Variants in CLASP2 observed in about 807,000 individuals in gnomAD.
The protein encoded by CLASP2 is CLIP-associating protein 2.
A neutral mutation model predicts 194.4 loss-of-function variants in CLASP2; 47 were observed. That is an observed-to-expected ratio of 0.24 (90% CI 0.19 to 0.31). CLASP2 has a LOEUF of 0.31. CLASP2 is among the 10% of genes least tolerant of loss of function. The pLI, the probability that CLASP2 is intolerant of heterozygous loss-of-function variation, is 1.00. For missense variants in CLASP2, 1,445 were observed against 1,823.6 expected (o/e 0.79, Z 3.78); for synonymous variants, 619 against 633.5 (o/e 0.98, Z 0.34).
At chr3:33,699,413 C>T (rs1393826847) in intron 1 of CLASP2, among the ~76,000 whole-genome samples, 1 of 152,080 alleles carries the variant, frequency 6.6e-6, no homozygotes, top group African/African-American at 2.4e-5. Flanking sequence ...CACCAAGACA[C>T]ATCCTATTCA....
intron 5 of CLASP2, 112 bp from the exon 6 acceptor site, chr3:33,684,568 A>C (rs2090346642): frequency 8.9e-6 from 5 of 560,676 alleles, no homozygotes; most frequent in Non-Finnish European, 1.5e-5. Context: ...GTGGATTTTA[A>C]TGCCCCTGCA....
At chr3:33,677,409 A>T (rs1328448808) in intron 6 of CLASP2, among the ~76,000 whole-genome samples, 5 of 151,788 alleles carry the variant, frequency 3.3e-5, no homozygotes, top group Non-Finnish European at 7.4e-5. Flanking sequence ...TTGTAGGGAC[A>T]TGGATGAAGT....
rs1205156622 is a variant in CLASP2 at position 33,600,953 on chromosome 3, CTTTTTTT to C, written c.1924+1992_1924+1998del. 9.5e-5 allele frequency among the ~76,000 whole-genome samples: 10 copies of C among 105,768 alleles called. No homozygotes were observed. In the East Asian group the frequency reaches 1.4e-3, roughly 15 times the overall value. 69.4% of individuals were successfully genotyped at this position (105,768 alleles called of 152,430 possible). A position where few individuals can be genotyped will look rare whatever the true frequency, so the allele number is the denominator to read the frequency against. Reference sequence around the variant, plus strand: ...TTCACATCAGTGTTGCTTGATAAGGCTTTTTTTTTTTTTTTTTTTTTTTGAGGCGGAG... The same window carrying C: ...TTCACATCAGTGTTGCTTGATAAGGCTTTTTTTTTTTTTTTTGAGGCGGAG... On this transcript the variant is annotated intron_variant, in intron 18 of 38. Coordinates refer to ENST00000682230, the MANE Select transcript of CLASP2 (RefSeq NM_001365631.1).
chr3:33,630,465 G>A (rs2078882742), intron 9 of CLASP2, among the ~76,000 whole-genome samples: 1 of 152,014 alleles, frequency 6.6e-6, no homozygotes, highest in South Asian at 2.1e-4. Flanking sequence ...TGGTCACAAA[G>A]TAATAATGAG....
At chr3:33,709,014 C>T (rs1291299451) in intron 1 of CLASP2, among the ~76,000 whole-genome samples, 1 of 152,186 alleles carries the variant, frequency 6.6e-6, no homozygotes, top group African/African-American at 2.4e-5. Context: ...AAACCCTTAT[C>T]AAATATGATT....
chr3:33,622,007 T>A (rs2077194036), intron 11 of CLASP2, 128 bp downstream of exon 11: 1 of 635,232 alleles, frequency 1.6e-6, no homozygotes, highest in African/African-American at 1.9e-5. Flanking sequence ...TCCTTATGTA[T>A]AATAAAAATG....
chr3:33,615,558 AT>A (rs917852197), intron 12 of CLASP2, among the ~76,000 whole-genome samples: 3 of 125,006 alleles, frequency 2.4e-5, no homozygotes, highest in African/African-American at 8.9e-5. Flanking sequence ...GATAAAGCAG[AT>A]TTAAAAAAAA....
chr3:33,596,531 A>G (rs920849939), intron 19 of CLASP2, 180 bp downstream of exon 19: 15 of 628,982 alleles, frequency 2.4e-5, no homozygotes, highest in Non-Finnish European at 4.0e-5. Context: ...GGTATGCCCA[A>G]TAGATATCCC....
At chr3:33,506,658 T>C (rs1195085605) in intron 37 of CLASP2, among the ~76,000 whole-genome samples, 2 of 152,104 alleles carry the variant, frequency 1.3e-5, no homozygotes, top group African/African-American at 2.4e-5. Context: ...TGAGTTAATT[T>C]CTGTATATGG....
At chr3:33,682,177 A>G (rs1472940546) in intron 6 of CLASP2, among the ~76,000 whole-genome samples, 1 of 152,164 alleles carries the variant, frequency 6.6e-6, no homozygotes, top group Admixed American at 6.5e-5. Context: ...ACAGATTAAG[A>G]CACACACTTA....
At chr3:33,531,610 T>C (rs1416809619) in intron 34 of CLASP2, among the ~76,000 whole-genome samples, 2 of 152,126 alleles carry the variant, frequency 1.3e-5, no homozygotes, top group Non-Finnish European at 2.9e-5. Context: ...ACCCCGTCTC[T>C]ACTAAAATAC....
chr3:33,606,653 A>G lies in CLASP2; in HGVS notation c.1632T>C (p.Ser544=), dbSNP rs61734242. 1.9e-3 allele frequency: 3,001 copies of G among 1,613,750 alleles called. 41 individuals are homozygous for G. In the African/African-American group the frequency reaches 0.029, roughly 16 times the overall value. The stretch of plus-strand genomic sequence containing the variant: ...ATTGTGGAAGAGATGCTACACTGCC[A>G]GAACTCTTTAAGTAAGTTTGAAGAC... ...QKSLQTYLKS[S]GSVASLPQSD... Residue 544 remains serine, a synonymous_variant, in exon 16 of 39, where the codon TCT becomes TCC. Transcript: ENST00000682230.
chr3:33,600,982 G>A (rs1241304136), intron 18 of CLASP2, among the ~76,000 whole-genome samples: 6 of 133,568 alleles, frequency 4.5e-5, no homozygotes, highest in Admixed American at 8.3e-5. Context: ...TTTTTGAGGC[G>A]GAGTCTTGCT....
At chr3:33,697,596 T>C (rs935590888) in intron 1 of CLASP2, among the ~76,000 whole-genome samples, 1 of 152,238 alleles carries the variant, frequency 6.6e-6, no homozygotes, top group Non-Finnish European at 1.5e-5. Context: ...TGCATAACTA[T>C]ATTTGTAACT....
At chr3:33,650,990 C>T (rs975336684) in intron 7 of CLASP2, among the ~76,000 whole-genome samples, 2 of 152,152 alleles carry the variant, frequency 1.3e-5, no homozygotes, top group African/African-American at 4.8e-5. Flanking sequence ...CATTTGGTGG[C>T]ATTAAACTCA....
At chr3:33,528,227 AC>A (rs2055163631) in intron 34 of CLASP2, among the ~76,000 whole-genome samples, 1 of 152,192 alleles carries the variant, frequency 6.6e-6, no homozygotes, top group Non-Finnish European at 1.5e-5. Context: ...AAAAGACTTG[AC>A]AAAATTCAAC....
intron 2 of CLASP2, among the ~76,000 whole-genome samples, chr3:33,694,924 C>T (rs1174162991): frequency 2.0e-5 from 3 of 151,492 alleles, no homozygotes; most frequent in South Asian, 2.1e-4. Flanking sequence ...GCCTGGGTGA[C>T]AGAGCAAGAT....
intron 12 of CLASP2, among the ~76,000 whole-genome samples, chr3:33,618,091 G>A (rs983762971): frequency 6.6e-6 from 1 of 151,474 alleles, no homozygotes; most frequent in Non-Finnish European, 1.5e-5. Flanking sequence ...TGGGATTACA[G>A]GCATGCGCCA....
At chr3:33,587,548 T>C (rs140425680) in intron 21 of CLASP2, among the ~76,000 whole-genome samples, 3 of 152,234 alleles carry the variant, frequency 2.0e-5, no homozygotes, top group Non-Finnish European at 4.4e-5. Context: ...GATAACAATA[T>C]TGTAAAACAA....
Sources: allele counts gnomAD v4.1 joint callset (sites outside exome capture counted in the v4.1 genomes callset), GRCh38; gene constraint gnomAD v4.1.1; transcripts MANE v1.5; gene names NCBI Gene and HGNC (gene_info 2026-07-23, HGNC 2026-07-21).